The following ODF2L variants were observed in gnomAD, a reference collection of about 807,000 sequenced individuals.
The protein encoded by ODF2L is protein BCAP.
A neutral mutation model predicts 86.3 loss-of-function variants in ODF2L; 76 were observed. The observed-to-expected ratio is 0.88, with a 90% CI of 0.73 to 1.07. The LOEUF (loss-of-function observed/expected upper bound fraction) is 1.07. Ranked by LOEUF, ODF2L falls within the 50% of genes least tolerant of loss-of-function variation. The probability of loss-of-function intolerance (pLI) is 0.00; values close to 1 mark genes in which losing one functional copy is unlikely to be tolerated. For synonymous variants in ODF2L, 241 were observed against 231.3 expected (o/e 1.04, Z -0.38); for missense variants, 748 against 717.4 (o/e 1.04, Z -0.49).
At chr1:86,348,695 C>A, downstream of ODF2L, 1 of 1,298,594 alleles carries the variant, frequency 7.7e-7, no homozygotes, top group Non-Finnish European at 1.0e-6. Context: ...TTTACCCAAT[C>A]ACATTTTAGA....
chr1:86,376,476 A>G, intron 7 of ODF2L, 58 bp from the exon 8 acceptor site: 1 of 1,092,358 alleles, frequency 9.2e-7, no homozygotes, highest in South Asian at 1.5e-5. Flanking sequence ...TTATGTAAAC[A>G]TTGTAAAAAT....
chr1:86,352,340 A>T, intron 17 of ODF2L: 1 of 1,093,070 alleles, frequency 9.1e-7, no homozygotes, highest in Non-Finnish European at 1.2e-6. Flanking sequence ...ATTCAGGAAA[A>T]AAAACAGAAG....
Position 86,352,954 on chromosome 1 carries a change from T to C in ODF2L, c.1798A>G (p.Arg600Gly), listed in dbSNP as rs201843701. ...ATTTTAATTTGTAAAGCACTCTCTC[T>C]AGATGACATTTTCTCTATTTCTTCA... The change falls in exon 17 of 18, where the codon AGA (arginine) becomes GGA (glycine). Residue 600 changes from arginine (R) to glycine (G), a missense_variant. Coordinates refer to ENST00000317336, the Ensembl canonical transcript of ODF2L. The C allele has an allele frequency of 2.5e-5, 39 of 1,531,014 alleles. No homozygotes were observed. In the Admixed American group the frequency reaches 7.0e-4, roughly 27 times the overall value. The allele number at this position is 1,531,014 out of a possible 1,614,324, so 94.8% of individuals were successfully genotyped here. A position where few individuals can be genotyped will look rare whatever the true frequency, so the allele number is the denominator to read the frequency against.
intron 10 of ODF2L, among the ~76,000 whole-genome samples, chr1:86,369,362 T>G (rs1001766333): frequency 1.3e-5 from 2 of 152,200 alleles, no homozygotes; most frequent in African/African-American, 4.8e-5. Context: ...CTAAATACAT[T>G]AAAGGTGAGA....
chr1:86,354,976 T>C, intron 14 of ODF2L, 117 bp from the exon 14 acceptor site: 1 of 605,954 alleles, frequency 1.7e-6, no homozygotes, highest in South Asian at 2.1e-5. Flanking sequence ...ATGTTACTAC[T>C]CTTACACAGA....
At chr1:86,367,172 C>A (rs1659497836) in intron 11 of ODF2L, among the ~76,000 whole-genome samples, 1 of 152,158 alleles carries the variant, frequency 6.6e-6, no homozygotes, top group African/African-American at 2.4e-5. Context: ...AACCATGGAG[C>A]AAAGCCTTCA....
intron 11 of ODF2L, among the ~76,000 whole-genome samples, chr1:86,362,242 T>G (rs1041089988): frequency 2.6e-5 from 4 of 151,960 alleles, no homozygotes; most frequent in South Asian, 2.1e-4. Flanking sequence ...TGGGGGGTTC[T>G]GAGCAGGGCA....
intron 1 of ODF2L, among the ~76,000 whole-genome samples, chr1:86,394,349 G>A (rs1282412756): frequency 6.7e-6 from 1 of 150,276 alleles, no homozygotes; most frequent in African/African-American, 2.5e-5. Flanking sequence ...CCGGGAGGCG[G>A]ACGTTGCAGT....
intron 11 of ODF2L, among the ~76,000 whole-genome samples, chr1:86,366,119 A>C (rs1453683703): frequency 6.6e-6 from 1 of 152,124 alleles, no homozygotes; most frequent in Non-Finnish European, 1.5e-5. Context: ...TAGTGGCAAG[A>C]ACCATCCACA....
intron 1 of ODF2L, among the ~76,000 whole-genome samples, chr1:86,392,152 C>T (rs1661378802): frequency 1.3e-5 from 2 of 152,190 alleles, no homozygotes; most frequent in South Asian, 4.1e-4. Context: ...CACCTTACTC[C>T]TGCAAGCACA....
chr1:86,360,281 C>A, intron 12 of ODF2L, 145 bp downstream of exon 11: 1 of 520,194 alleles, frequency 1.9e-6, no homozygotes, highest in Non-Finnish European at 3.4e-6. Flanking sequence ...TGTGTGGGAC[C>A]TTAAGAAATA....
chr1:86,358,662 C>T (rs1395668110), intron 13 of ODF2L, 125 bp downstream of exon 12: 2 of 387,000 alleles, frequency 5.2e-6, no homozygotes, highest in African/African-American at 4.2e-5. Flanking sequence ...CAAACTCTTA[C>T]AGAGGCTAAG....
intron 11 of ODF2L, among the ~76,000 whole-genome samples, chr1:86,367,157 T>C (rs890224861): frequency 1.3e-5 from 2 of 152,198 alleles, no homozygotes; most frequent in African/African-American, 2.4e-5. Flanking sequence ...CTCTGACTTA[T>C]GGAAAACCAT....
rs528954686 is a variant in ODF2L at position 86,380,583 on chromosome 1, C to T, written c.624+1659G>A. The stretch of plus-strand genomic sequence containing the variant: ...GATCTTCTCACCAGATTTATCAAAT[C>T]CCACACTTATACACTATCAAGGAGT... On this transcript the variant is annotated intron_variant, in intron 7 of 17. Transcript: ENST00000317336. Among the ~76,000 whole-genome samples, 9 of 152,156 alleles carry T rather than the reference C, an allele frequency of 5.9e-5. No homozygotes were observed. In the South Asian group the frequency reaches 8.3e-4, roughly 14 times the overall value.
chr1:86,353,456 T>C (rs1463956164), intron 16 of ODF2L, among the ~76,000 whole-genome samples: 3 of 152,182 alleles, frequency 2.0e-5, no homozygotes, highest in African/African-American at 4.8e-5. Context: ...TCTTCATTCA[T>C]TCACTTCCAA....
intron 1 of ODF2L, among the ~76,000 whole-genome samples, chr1:86,389,428 C>T (rs1316207271): frequency 1.3e-5 from 2 of 151,982 alleles, no homozygotes; most frequent in Non-Finnish European, 2.9e-5. Context: ...TAAATGCCTA[C>T]ATTGAAAAGT....
intron 7 of ODF2L, among the ~76,000 whole-genome samples, chr1:86,378,734 G>C (rs1373993831): frequency 1.3e-5 from 2 of 152,070 alleles, no homozygotes; most frequent in Non-Finnish European, 1.5e-5. Flanking sequence ...CATGAGAACA[G>C]GATGGGGGAA....
chr1:86,358,786 C>A lies in ODF2L; in HGVS notation c.1359+1G>T, dbSNP rs760411157. ...TTATTTATTTGAAATTCCAAACGTA[C>A]CTTCTCTACATTTTTATTTTTGGTT... On this transcript the variant is annotated splice_donor_variant, in intron 13 of 17. Coordinates refer to ENST00000317336, the Ensembl canonical transcript of ODF2L. LOFTEE classifies it high-confidence loss of function. 4 of 1,185,748 alleles carry A rather than the reference C, an allele frequency of 3.4e-6. No homozygotes were observed. Among genetic ancestry groups the A allele is most frequent in the South Asian group, 1.5e-5 (1 of 67,658 alleles). 73.5% of individuals were successfully genotyped at this position (1,185,748 alleles called of 1,614,324 possible). A position where few individuals can be genotyped will look rare whatever the true frequency, so the allele number is the denominator to read the frequency against.
intron 11 of ODF2L, chr1:86,368,613 T>C (rs1333092060): frequency 1.5e-6 from 2 of 1,373,758 alleles, no homozygotes; most frequent in Non-Finnish European, 1.9e-6. Flanking sequence ...AGAGAACTAA[T>C]GGCAGTATGA....
Sources: allele counts gnomAD v4.1 joint callset (sites outside exome capture counted in the v4.1 genomes callset), GRCh38; gene constraint gnomAD v4.1.1; transcripts MANE v1.5; gene names NCBI Gene and HGNC (gene_info 2026-07-23, HGNC 2026-07-21).